STUM: variants seen among roughly 807,000 people sequenced by gnomAD.
The protein encoded by STUM is protein stum homolog.
In STUM, 8 loss-of-function variants were observed where a neutral mutation model predicts 15.3. The observed-to-expected ratio is 0.52, with a 90% CI of 0.31 to 0.94. The LOEUF (loss-of-function observed/expected upper bound fraction) is 0.94, where lower values mean the gene tolerates loss of function less well. Ranked by LOEUF, STUM falls within the 40% of genes least tolerant of loss-of-function variation. The probability of loss-of-function intolerance (pLI) is 0.05; values close to 1 mark genes in which losing one functional copy is unlikely to be tolerated. For missense variants in STUM, 142 were observed against 204.9 expected (o/e 0.69, Z 1.87); for synonymous variants, 78 against 88.7 (o/e 0.88, Z 0.68).
chr1:226,560,516 C>T (rs919277985), intron 1 of STUM, among the ~76,000 whole-genome samples: 6 of 152,228 alleles, frequency 3.9e-5, no homozygotes, highest in South Asian at 2.1e-4. Flanking sequence ...AGCATGTCAC[C>T]GAGCAGAAAA....
intron 1 of STUM, among the ~76,000 whole-genome samples, chr1:226,561,658 T>G (rs1667544228): frequency 6.6e-6 from 1 of 152,178 alleles, no homozygotes; most frequent in African/African-American, 2.4e-5. Context: ...CTGATGAGTG[T>G]CAGAGGAGTG....
At chr1:226,576,048 A>C (rs1421041304) in intron 1 of STUM, among the ~76,000 whole-genome samples, 1 of 152,202 alleles carries the variant, frequency 6.6e-6, no homozygotes, top group Non-Finnish European at 1.5e-5. Flanking sequence ...TGCTTTGAAA[A>C]TCCATCAGCC....
At chr1:226,569,826 G>A (rs1003785717) in intron 1 of STUM, among the ~76,000 whole-genome samples, 1 of 152,174 alleles carries the variant, frequency 6.6e-6, no homozygotes, top group Non-Finnish European at 1.5e-5. Context: ...TGGGATCTGC[G>A]CTGTCTGGTA....
At chr1:226,589,545 G>C (rs911335477) in intron 1 of STUM, among the ~76,000 whole-genome samples, 2 of 152,222 alleles carry the variant, frequency 1.3e-5, no homozygotes, top group African/African-American at 4.8e-5. Context: ...CTCTCCGTGG[G>C]AGGACTTCCC....
At chr1:226,595,625 G>A (rs1404701586) in intron 1 of STUM, among the ~76,000 whole-genome samples, 2 of 152,220 alleles carry the variant, frequency 1.3e-5, no homozygotes, top group Admixed American at 6.5e-5. Flanking sequence ...AAATTAAATG[G>A]ATGGGGAGAG....
intron 1 of STUM, among the ~76,000 whole-genome samples, chr1:226,578,840 C>T (rs478406): frequency 0.73 from 110,693 of 152,128 alleles, 40,854 homozygotes; most frequent in African/African-American, 0.85. Context: ...CTGCCCCTCA[C>T]ACCCCAGGGT....
In STUM at chr1:226,598,931, C is replaced by T. The variant is rs1407662142; in HGVS notation, c.383-1735C>T. On this transcript the variant is annotated intron_variant, in intron 2 of 3. Transcript: ENST00000366788. ...AAGAAAAAGAGGCTTAATGCACTTA[C>T]AGTTCTACATGGCTGGGGATGCCTC... Among the ~76,000 whole-genome samples the T allele has an allele frequency of 4.6e-5, 7 of 152,362 alleles. No homozygotes were observed. In the South Asian group the frequency reaches 8.3e-4, roughly 18 times the overall value.
chr1:226,597,693 T>C (rs908650708), intron 2 of STUM, among the ~76,000 whole-genome samples: 16 of 152,174 alleles, frequency 1.1e-4, no homozygotes, highest in African/African-American at 3.6e-4. Flanking sequence ...CACACACAAA[T>C]GGCAGGACCA....
Position 226,607,616 on chromosome 1 carries a change from G to GC in STUM, c.*5581dup. The GC allele has an allele frequency of 6.5e-6, 1 of 152,728 alleles. No homozygotes were observed. Among genetic ancestry groups the GC allele is most frequent in the Non-Finnish European group, 1.5e-5 (1 of 68,538 alleles). The allele number at this position is 152,728 out of a possible 1,614,324, so 9.5% of individuals were successfully genotyped here. On this transcript the variant is annotated 3_prime_UTR_variant, in exon 4 of 4. Transcript: ENST00000366788. ...TCTTTCTAGCAGAACAGAAACACTG[G>GC]CCCCCAATTCCACTCTCCCCTCCTG...
At chr1:226,584,562 G>A (rs1304731128) in intron 1 of STUM, among the ~76,000 whole-genome samples, 2 of 152,220 alleles carry the variant, frequency 1.3e-5, no homozygotes. Flanking sequence ...AAGCCTCAGA[G>A]TCTGGCCTCT....
intron 1 of STUM, among the ~76,000 whole-genome samples, chr1:226,556,502 G>A (rs1387365202): frequency 1.3e-5 from 2 of 152,196 alleles, no homozygotes; most frequent in Admixed American, 6.5e-5. Flanking sequence ...TTGGCCATCG[G>A]GGAGATGAGC....
chr1:226,553,790 G>A (rs1211761267), intron 1 of STUM, among the ~76,000 whole-genome samples: 4 of 152,206 alleles, frequency 2.6e-5, no homozygotes, highest in Non-Finnish European at 5.9e-5. Context: ...TAATGTAAAT[G>A]CTGCTTAGTG....
At chr1:226,572,131 C>G (rs1212377812) in intron 1 of STUM, among the ~76,000 whole-genome samples, 1 of 152,162 alleles carries the variant, frequency 6.6e-6, no homozygotes, top group Non-Finnish European at 1.5e-5. Flanking sequence ...GATGATGATA[C>G]CGGCTGCGGT....
At chr1:226,553,618 G>A (rs1667402704) in intron 1 of STUM, among the ~76,000 whole-genome samples, 1 of 152,210 alleles carries the variant, frequency 6.6e-6, no homozygotes, top group Non-Finnish European at 1.5e-5. Flanking sequence ...CATTTCTTAT[G>A]AAAGGGATAG....
chr1:226,591,542 G>A (rs1172602199), intron 1 of STUM, among the ~76,000 whole-genome samples: 1 of 152,138 alleles, frequency 6.6e-6, no homozygotes, highest in African/African-American at 2.4e-5. Flanking sequence ...CTGCTCATCT[G>A]CAGAGCACTG....
At chr1:226,594,803 C>T (rs1306894893) in intron 1 of STUM, among the ~76,000 whole-genome samples, 1 of 152,090 alleles carries the variant, frequency 6.6e-6, no homozygotes, top group Non-Finnish European at 1.5e-5. Flanking sequence ...TACAGGCGCC[C>T]GCCACCACAT....
At chr1:226,573,354 T>C (rs1044173105) in intron 1 of STUM, among the ~76,000 whole-genome samples, 1 of 152,220 alleles carries the variant, frequency 6.6e-6, no homozygotes, top group Non-Finnish European at 1.5e-5. Context: ...GTCACGACTC[T>C]TTCAGTTAAA....
chr1:226,559,849 T>G (rs1667509220), intron 1 of STUM, among the ~76,000 whole-genome samples: 1 of 152,116 alleles, frequency 6.6e-6, no homozygotes, highest in African/African-American at 2.4e-5. Flanking sequence ...GGCGGGTGCC[T>G]GTAGTCCCAG....
intron 1 of STUM, among the ~76,000 whole-genome samples, chr1:226,558,170 A>T (rs1307493549): frequency 6.6e-6 from 1 of 152,246 alleles, no homozygotes; most frequent in Non-Finnish European, 1.5e-5. Context: ...AGGCATCCAA[A>T]TAGGAAAGGA....
Sources: allele counts gnomAD v4.1 joint callset (sites outside exome capture counted in the v4.1 genomes callset), GRCh38; gene constraint gnomAD v4.1.1; transcripts MANE v1.5; gene names NCBI Gene and HGNC (gene_info 2026-07-23, HGNC 2026-07-21).